Variants in GALNT9 observed in about 807,000 individuals in gnomAD.
The protein encoded by GALNT9 is GalNAc transferase 9.
GALNT9 carries 47 observed loss-of-function variants against 63.1 expected under a neutral mutation model. The observed-to-expected ratio is 0.75, with a 90% CI of 0.59 to 0.95. The LOEUF (loss-of-function observed/expected upper bound fraction) is 0.95. Ranked by LOEUF, GALNT9 falls within the 40% of genes least tolerant of loss-of-function variation. GALNT9 has a pLI of 0.00. For missense variants in GALNT9, 829 were observed against 874.8 expected, an observed-to-expected ratio of 0.95 and a Z score of 0.66; for synonymous variants, 396 against 365.7, an observed-to-expected ratio of 1.08 and a Z score of -0.94.
At chr12:132,235,629 T>C (rs2135527863) in intron 6 of GALNT9, among the ~76,000 whole-genome samples, 1 of 152,212 alleles carries the variant, frequency 6.6e-6, no homozygotes, top group African/African-American at 2.4e-5. Context: ...CCAGAGCCAG[T>C]TGCTCAGCCC....
At chr12:132,218,999 G>T (rs1419606774) in intron 6 of GALNT9, among the ~76,000 whole-genome samples, 1 of 151,962 alleles carries the variant, frequency 6.6e-6, no homozygotes, top group Non-Finnish European at 1.5e-5. Flanking sequence ...GGAGTCAGAA[G>T]CTCCGGGGAG....
At chr12:132,281,479 C>G (rs1566011400) in intron 2 of GALNT9, among the ~76,000 whole-genome samples, 1 of 152,340 alleles carries the variant, frequency 6.6e-6, no homozygotes. Flanking sequence ...GATATAAATA[C>G]ATGTGTAAAT....
At chr12:132,314,292 G>T (rs1288582421) in intron 1 of GALNT9, among the ~76,000 whole-genome samples, 3 of 151,348 alleles carry the variant, frequency 2.0e-5, no homozygotes, top group African/African-American at 7.3e-5. Flanking sequence ...TATACATCAG[G>T]CATCATGTTA....
intron 1 of GALNT9, among the ~76,000 whole-genome samples, chr12:132,302,955 C>T (rs956254151): frequency 2.9e-5 from 4 of 139,350 alleles, no homozygotes; most frequent in African/African-American, 7.8e-5. Context: ...GGGACCACTC[C>T]GGTGACCGTC....
At chr12:132,318,107 T>G (rs1288377842) in intron 1 of GALNT9, among the ~76,000 whole-genome samples, 1 of 152,074 alleles carries the variant, frequency 6.6e-6, no homozygotes, top group African/African-American at 2.4e-5. Context: ...CCGGGCATGG[T>G]GGTGAGCACC....
intron 1 of GALNT9, among the ~76,000 whole-genome samples, chr12:132,321,838 C>A (rs1291906671): frequency 6.6e-6 from 1 of 152,148 alleles, no homozygotes; most frequent in African/African-American, 2.4e-5. Flanking sequence ...CCCTCACACA[C>A]CTGTCCCCTC....
rs1246000416 is a variant in GALNT9 at position 132,245,729 on chromosome 12, A to T, written c.1077+2181T>A. Reference sequence around the variant, plus strand: ...GCTTTGCTCTGAGCCTGAGCCTGGGATGCACCCACGACCCAGCCTCCTGGG... The same window carrying T: ...GCTTTGCTCTGAGCCTGAGCCTGGGTTGCACCCACGACCCAGCCTCCTGGG... On this transcript the variant is annotated intron_variant, in intron 6 of 10. Coordinates refer to ENST00000328957, the MANE Select transcript of GALNT9 (RefSeq NM_001122636.2). This position sits in a 1 kb window ranked among gnomAD's most constrained non-coding sequence, Gnocchi z 6.3. Among the ~76,000 whole-genome samples, 2 of 152,180 alleles carry T rather than the reference A, an allele frequency of 1.3e-5. No individual in the cohort carries two copies. Among genetic ancestry groups the T allele is most frequent in the Non-Finnish European group, 2.9e-5 (2 of 68,044 alleles).
intron 1 of GALNT9, among the ~76,000 whole-genome samples, chr12:132,309,320 G>C (rs1881730162): frequency 2.0e-5 from 3 of 152,150 alleles, no homozygotes. Context: ...CACCCCTCTA[G>C]CTGCCCGTGG....
At chr12:132,254,639 C>A (rs918201795) in intron 5 of GALNT9, among the ~76,000 whole-genome samples, 4 of 152,224 alleles carry the variant, frequency 2.6e-5, no homozygotes, top group African/African-American at 9.6e-5. Context: ...TTTTGACAGA[C>A]AAACTTACAC....
chr12:132,244,927 G>A (rs975876707), intron 6 of GALNT9, among the ~76,000 whole-genome samples: 4 of 150,940 alleles, frequency 2.7e-5, no homozygotes, highest in Non-Finnish European at 4.4e-5. Flanking sequence ...ACCTCTGACC[G>A]CCAGACAGGA....
chr12:132,225,995 C>T (rs1424661320), intron 6 of GALNT9, among the ~76,000 whole-genome samples: 1 of 142,598 alleles, frequency 7.0e-6, no homozygotes, highest in African/African-American at 2.6e-5. Flanking sequence ...CACACATACA[C>T]CCCACACACC....
At chr12:132,254,153 T>C (rs112782122) in intron 5 of GALNT9, among the ~76,000 whole-genome samples, 9,425 of 151,978 alleles carry the variant, frequency 0.062, 364 homozygotes, top group South Asian at 0.14. Context: ...TCCCAAGTAG[T>C]TGGGATTACA....
intron 4 of GALNT9, among the ~76,000 whole-genome samples, chr12:132,259,678 G>A (rs551967241): frequency 6.3e-4 from 96 of 152,240 alleles, no homozygotes; most frequent in Non-Finnish European, 1.1e-3. Context: ...CAGGTTCCCC[G>A]GGGACCCAGC....
intron 8 of GALNT9, among the ~76,000 whole-genome samples, chr12:132,199,841 G>T (rs552845969): frequency 6.9e-6 from 1 of 145,132 alleles, no homozygotes. Flanking sequence ...GGGTGGCCCC[G>T]GCTCGTGAGC....
At chr12:132,256,246 G>A (rs1257175135) in intron 5 of GALNT9, among the ~76,000 whole-genome samples, 1 of 151,938 alleles carries the variant, frequency 6.6e-6, no homozygotes, top group African/African-American at 2.4e-5. Flanking sequence ...CTCCACCCAG[G>A]ATGAATTTTG....
In GALNT9 at chr12:132,203,494, G is replaced by T. The variant is rs563297228; in HGVS notation, c.1263+11C>A. ...GGCATGGCCCCGGCTCCCGGCCTGT[G>T]GGGGACTCACCGACATGGGGATGTT... On this transcript the variant is annotated intron_variant, in intron 7 of 10. Coordinates refer to ENST00000328957, the MANE Select transcript of GALNT9 (RefSeq NM_001122636.2). 6.2e-7 allele frequency: 1 copy of T among 1,612,976 alleles called. No individual in the cohort carries two copies. Among genetic ancestry groups the T allele is most frequent in the Non-Finnish European group, 8.5e-7 (1 of 1,179,214 alleles).
At chr12:132,201,587 T>G (rs1246888174) in intron 7 of GALNT9, among the ~76,000 whole-genome samples, 2 of 152,294 alleles carry the variant, frequency 1.3e-5, no homozygotes, top group East Asian at 3.9e-4. Flanking sequence ...TCACCTGGCC[T>G]TACTGCACGG....
chr12:132,325,618 C>T (rs1263161524), intron 1 of GALNT9, among the ~76,000 whole-genome samples: 1 of 152,184 alleles, frequency 6.6e-6, no homozygotes, highest in Non-Finnish European at 1.5e-5. Context: ...AACCTAGGTC[C>T]CTCTGAAACC....
At chr12:132,258,163 G>A (rs1477793427) in intron 4 of GALNT9, among the ~76,000 whole-genome samples, 1 of 152,222 alleles carries the variant, frequency 6.6e-6, no homozygotes, top group Admixed American at 6.5e-5. Flanking sequence ...CCCAACTGCA[G>A]TATCTCTGAA....
Sources: allele counts gnomAD v4.1 joint callset (sites outside exome capture counted in the v4.1 genomes callset), GRCh38; gene constraint gnomAD v4.1.1; non-coding constraint Gnocchi (gnomAD v3.1); transcripts MANE v1.5; gene names NCBI Gene and HGNC (gene_info 2026-07-23, HGNC 2026-07-21).